The following KIF13A variants were observed in gnomAD, a reference collection of about 807,000 sequenced individuals.
KIF13A encodes kinesin-like protein KIF13A.
Under a neutral mutation model 212.2 loss-of-function variants are expected in KIF13A, and 79 were observed. The observed-to-expected ratio is 0.37, with a 90% CI of 0.31 to 0.45. The LOEUF (loss-of-function observed/expected upper bound fraction) is 0.45, where lower values mean the gene tolerates loss of function less well. KIF13A is among the 20% of genes least tolerant of loss of function. The pLI, the probability that KIF13A is intolerant of heterozygous loss-of-function variation, is 1.00. For synonymous variants in KIF13A, 789 were observed against 808.6 expected, an observed-to-expected ratio of 0.98 and a Z score of 0.41; for missense variants, 1,901 against 2,209.0, an observed-to-expected ratio of 0.86 and a Z score of 2.79.
At position 17,982,581 on chromosome 6, in the gene KIF13A, T is replaced by G. The variant is rs1410720696; in HGVS notation, c.146+4473A>C. Among the ~76,000 whole-genome samples, 1 of 152,224 alleles carries G rather than the reference T, an allele frequency of 6.6e-6. No homozygotes were observed. Among genetic ancestry groups the G allele is most frequent in the Non-Finnish European group, 1.5e-5 (1 of 68,042 alleles). ...AAAAATGAACAGGAAGCTAAAAACT[T>G]TCATGCTCTTCTACCGAGAGCCCAT... is the stretch of plus-strand genomic sequence containing the variant. On this transcript the variant is annotated intron_variant, in intron 2 of 38. Coordinates refer to ENST00000259711, the MANE Select transcript of KIF13A (RefSeq NM_022113.6). This position sits in a 1 kb window ranked among gnomAD's most constrained non-coding sequence, Gnocchi z 5.1.
At chr6:17,806,395 C>T (rs1762952705) in intron 18 of KIF13A, among the ~76,000 whole-genome samples, 1 of 152,168 alleles carries the variant, frequency 6.6e-6, no homozygotes, top group South Asian at 2.1e-4. Flanking sequence ...ATGGACACTT[C>T]TATGACTATG....
At chr6:17,866,298 C>A (rs1769363624) in intron 4 of KIF13A, among the ~76,000 whole-genome samples, 2 of 152,108 alleles carry the variant, frequency 1.3e-5, no homozygotes, top group South Asian at 4.1e-4. Context: ...TAGAGAACTT[C>A]TGACAGGAGT....
chr6:17,901,741 C>T (rs769617317), intron 2 of KIF13A, among the ~76,000 whole-genome samples: 1 of 152,106 alleles, frequency 6.6e-6, no homozygotes, highest in Non-Finnish European at 1.5e-5. Flanking sequence ...TTTTAATGTG[C>T]CAAATTCATC....
intron 16 of KIF13A, among the ~76,000 whole-genome samples, chr6:17,821,290 T>C (rs1213327581): frequency 6.6e-6 from 1 of 152,214 alleles, no homozygotes; most frequent in African/African-American, 2.4e-5. Flanking sequence ...TTTTTACTTT[T>C]AATTCAAATG....
chr6:17,889,741 A>T (rs1771871842), intron 3 of KIF13A, among the ~76,000 whole-genome samples: 1 of 152,198 alleles, frequency 6.6e-6, no homozygotes. Context: ...CCTGGACTGT[A>T]CCTGACTGGC....
At chr6:17,954,945 C>A (rs542553667) in intron 2 of KIF13A, among the ~76,000 whole-genome samples, 1 of 152,190 alleles carries the variant, frequency 6.6e-6, no homozygotes, top group East Asian at 1.9e-4. Flanking sequence ...TCCTAAAGCA[C>A]TGGCATTACA....
intron 2 of KIF13A, among the ~76,000 whole-genome samples, chr6:17,978,466 A>T (rs2150633497): frequency 6.6e-6 from 1 of 152,306 alleles, no homozygotes; most frequent in South Asian, 2.1e-4. Flanking sequence ...TAGCATTTCC[A>T]TTACATCCTT....
intron 2 of KIF13A, among the ~76,000 whole-genome samples, chr6:17,907,155 T>C (rs1360992238): frequency 6.6e-6 from 1 of 152,178 alleles, no homozygotes; most frequent in Non-Finnish European, 1.5e-5. Context: ...CTTAACATAT[T>C]TAATGACCCT....
Position 17,817,055 on chromosome 6 carries a change from T to C in KIF13A, c.1965A>G (p.Thr655=), listed in dbSNP as rs1764012807. The change falls in exon 17 of 39, where the codon ACA becomes ACG. Residue 655 remains threonine, a synonymous_variant. Coordinates refer to ENST00000259711, the MANE Select transcript of KIF13A (RefSeq NM_022113.6). ...CCCACTGGGTCACCTTCTGCTGCGC[T>C]GTCTGGCTGCTGTAGGCCAGGCGGT... ...GPDRLAYSSQ[T]AQQKVTQWAE... 6.2e-7 allele frequency: 1 copy of C among 1,613,304 alleles called. No individual in the cohort carries two copies. The highest frequency in any genetic ancestry group is 8.5e-7 in the Non-Finnish European group (1 of 1,179,826).
At chr6:17,805,344 T>C (rs1762846584) in intron 19 of KIF13A, 131 bp downstream of exon 19, 5 of 823,226 alleles carry the variant, frequency 6.1e-6, no homozygotes, top group Non-Finnish European at 9.4e-6. Context: ...CCTAATATAA[T>C]ATCTAACGTA....
intron 31 of KIF13A, among the ~76,000 whole-genome samples, chr6:17,779,992 C>T (rs530549141): frequency 3.7e-4 from 57 of 152,038 alleles, no homozygotes; most frequent in African/African-American, 1.0e-3. Context: ...GTGATCCGCC[C>T]GCCTTGGCCT....
At chr6:17,909,197 G>C (rs1773802732) in intron 2 of KIF13A, among the ~76,000 whole-genome samples, 1 of 152,184 alleles carries the variant, frequency 6.6e-6, no homozygotes, top group Non-Finnish European at 1.5e-5. Flanking sequence ...CTGGGGAGCT[G>C]AAGAATGACA....
intron 16 of KIF13A, among the ~76,000 whole-genome samples, chr6:17,824,088 T>G (rs1208547821): frequency 6.6e-6 from 1 of 151,664 alleles, no homozygotes; most frequent in Non-Finnish European, 1.5e-5. Flanking sequence ...TTGTATTTTT[T>G]GGAGATATGG....
chr6:17,764,411 G>C lies in KIF13A; in HGVS notation c.5117C>G (p.Pro1706Arg). Residue 1706 changes from proline (P) to arginine (R), a missense_variant, in exon 39 of 39, where the codon CCC (proline) becomes CGC (arginine). Pro to Arg is a moderately radical substitution (Grantham distance 103). Around this residue, in one of 5 missense-constraint regions of KIF13A, gnomAD observed 687 missense variants for 759.1 expected, o/e 0.90. Transcript: ENST00000259711. This position sits in a 1 kb window ranked among gnomAD's most constrained non-coding sequence, Gnocchi z 5.1. ...CCTGGCTGGCTGGCTAATTTTGCTG[G>C]GGCAGGCATCTAGTTCTGAACATGA... Reference protein sequence around the residue: ...TGSCSELDACPSKISQPARGF... With the variant: ...TGSCSELDACRSKISQPARGF... 7 of 1,613,986 alleles carry C rather than the reference G, an allele frequency of 4.3e-6. No homozygotes were observed. Among genetic ancestry groups the C allele is most frequent in the Non-Finnish European group, 5.9e-6 (7 of 1,179,894 alleles).
chr6:17,873,486 T>A (rs1164527469), intron 3 of KIF13A, 49 bp from the exon 4 acceptor site: 2 of 1,280,734 alleles, frequency 1.6e-6, no homozygotes, highest in African/African-American at 1.5e-5. Flanking sequence ...TAACTTCTTA[T>A]GAGTAAATCA....
chr6:17,831,987 T>G (rs1324929865), intron 12 of KIF13A, among the ~76,000 whole-genome samples: 3 of 152,200 alleles, frequency 2.0e-5, no homozygotes, highest in Non-Finnish European at 4.4e-5. Context: ...TAAGTCAATA[T>G]GGTACATAGA....
intron 2 of KIF13A, among the ~76,000 whole-genome samples, chr6:17,986,042 T>C (rs1781523929): frequency 1.3e-5 from 2 of 152,234 alleles, no homozygotes; most frequent in African/African-American, 4.8e-5. Context: ...ATTGCTTCTC[T>C]AAGCAATAAT....
At position 17,781,205 on chromosome 6, in the gene KIF13A, AG is replaced by A. The variant is rs1233261058; in HGVS notation, c.3640del (p.Leu1214CysfsTer4). 1 of 1,613,822 alleles carries A rather than the reference AG, an allele frequency of 6.2e-7. No homozygotes were observed. The highest frequency in any genetic ancestry group is 8.5e-7 in the Non-Finnish European group (1 of 1,179,882). The stretch of plus-strand genomic sequence containing the variant: ...ATCATCACTGTGCTTTATGATGGGC[AG>A]GTAGAAAAACTGGCTGCCATGCTCC... The part of the protein sequence containing the change: ...PKEHGSQFFY[L>X]PIIKHSDDEV... On this transcript the variant is annotated frameshift_variant, in exon 30 of 39. Coordinates refer to ENST00000259711, the MANE Select transcript of KIF13A (RefSeq NM_022113.6). LOFTEE classifies it high-confidence loss of function.
At chr6:17,945,741 A>G (rs1777331964) in intron 2 of KIF13A, among the ~76,000 whole-genome samples, 1 of 152,204 alleles carries the variant, frequency 6.6e-6, no homozygotes, top group Non-Finnish European at 1.5e-5. Flanking sequence ...GGCATCTATA[A>G]GAATGACCAA....
Sources: gnomAD v4.1 joint callset for allele counts (sites outside exome capture counted in the v4.1 genomes callset) on GRCh38, gnomAD v4.1.1 for gene constraint, gnomAD v4.1.1 regional missense constraint, Gnocchi (gnomAD v3.1) non-coding constraint, MANE v1.5 for transcripts, NCBI Gene and HGNC (gene_info 2026-07-23, HGNC 2026-07-21) for gene names.